FAM153A: variants seen among roughly 807,000 people sequenced by gnomAD.
The protein encoded by FAM153A is family with sequence similarity 153 member A.
Under a neutral mutation model 48.1 loss-of-function variants are expected in FAM153A, and 12 were observed. The ratio of observed to expected loss-of-function variants is 0.25; its 90% CI spans 0.16 to 0.40. The LOEUF (loss-of-function observed/expected upper bound fraction) is 0.40, where lower values mean the gene tolerates loss of function less well. Ranked by LOEUF, FAM153A falls within the 10% of genes least tolerant of loss-of-function variation. The pLI, the probability that FAM153A is intolerant of heterozygous loss-of-function variation, is 1.00. For missense variants in FAM153A, 111 were observed against 345.8 expected (o/e 0.32, Z 5.38); for synonymous variants, 36 against 118.2 (o/e 0.30, Z 4.51).
chr5:177,735,040 G>A, intron 12 of FAM153A, 107 bp from the exon 15 acceptor site: 1 of 682,290 alleles, frequency 1.5e-6, no homozygotes, highest in South Asian at 1.9e-5. Flanking sequence ...GCACAGGAGA[G>A]ATGCAGGAAG....
At position 177,741,241 on chromosome 5, in the gene FAM153A, C is replaced by CA. The variant is rs1765389820; in HGVS notation, c.441+14dup. 6.7e-6 allele frequency: 3 copies of CA among 450,498 alleles called. No individual in the cohort carries two copies. The highest frequency in any genetic ancestry group is 1.0e-5 in the Non-Finnish European group (3 of 293,116). The allele number at this position is 450,498 out of a possible 1,614,324, so 27.9% of individuals were successfully genotyped here. A position where few individuals can be genotyped will look rare whatever the true frequency, so the allele number is the denominator to read the frequency against. ...AAATAAAATTCCCACCTCAGATAAA[C>CA]AAAAAAGACTTTACCTTCACAGAGC... On this transcript the variant is annotated intron_variant, in intron 7 of 20. Coordinates refer to ENST00000614127, the Ensembl canonical transcript of FAM153A.
chr5:177,713,875 G>C (rs1318978946), exon 26 of FAM153A: 2 of 151,940 alleles, frequency 1.3e-5, no homozygotes, highest in Non-Finnish European at 2.9e-5. Context: ...AGGAGCTCTG[G>C]CAGGTTCCTT....
chr5:177,781,372 C>G (rs1769646752), upstream of FAM153A, among the ~76,000 whole-genome samples: 4 of 144,800 alleles, frequency 2.8e-5, no homozygotes, highest in Admixed American at 2.8e-4. Flanking sequence ...CCGCCCACCT[C>G]GGCCTCCCAA....
the FAM153A span, among the ~76,000 whole-genome samples, chr5:177,695,687 CTCTT>C: frequency 6.6e-6 from 1 of 151,564 alleles, no homozygotes; most frequent in Admixed American, 6.6e-5. Context: ...ACAATCTGAT[CTCTT>C]TCTTTTCCCC....
intron 1 of FAM153A, among the ~76,000 whole-genome samples, chr5:177,768,135 C>T (rs1768851590): frequency 2.4e-5 from 3 of 125,640 alleles, no homozygotes; most frequent in Admixed American, 8.5e-5. Flanking sequence ...TCAAAGTACT[C>T]AGGGAAACAC....
intron 10 of FAM153A, among the ~76,000 whole-genome samples, chr5:177,737,622 G>C (rs1439191915): frequency 6.6e-6 from 1 of 151,414 alleles, no homozygotes; most frequent in Non-Finnish European, 1.5e-5. Context: ...CCAGGTTCAA[G>C]TGATTCTCCA....
chr5:177,716,750 A>G (rs1759884892), intron 24 of FAM153A, among the ~76,000 whole-genome samples: 2 of 151,946 alleles, frequency 1.3e-5, no homozygotes, highest in African/African-American at 4.9e-5. Flanking sequence ...AAGCTTATCA[A>G]CTATCACATA....
At chr5:177,780,053 TTTA>T (rs1769532180) in intron 1 of FAM153A, among the ~76,000 whole-genome samples, 1 of 73,142 alleles carries the variant, frequency 1.4e-5, no homozygotes, top group African/African-American at 5.1e-5. Flanking sequence ...ATATAAACAA[TTTA>T]TTATAAAAAT....
chr5:177,781,264 ATTTT>A (rs1303137176), upstream of FAM153A, among the ~76,000 whole-genome samples: 1,007 of 74,380 alleles, frequency 0.014, no homozygotes, highest in East Asian at 0.048. Context: ...ACGCCCGGCT[ATTTT>A]TTTTTTTTTT....
upstream of FAM153A, among the ~76,000 whole-genome samples, chr5:177,754,182 A>G (rs1767425274): frequency 2.0e-5 from 3 of 152,122 alleles, no homozygotes; most frequent in South Asian, 6.2e-4. Context: ...GCACACCAGG[A>G]GATTATATCC....
At chr5:177,737,253 T>G in intron 10 of FAM153A, 141 bp from the exon 13 acceptor site, 1 of 1,583,140 alleles carries the variant, frequency 6.3e-7, no homozygotes, top group South Asian at 1.1e-5. Flanking sequence ...CCATCCTCCA[T>G]GGTGGAGGGA....
rs553930845 is a variant in FAM153A at position 177,758,744 on chromosome 5, A to G, written c.-56-10045T>C. Among the ~76,000 whole-genome samples, 84 of 149,560 alleles carry G rather than the reference A, an allele frequency of 5.6e-4. 3 individuals carry two copies. The highest frequency in any genetic ancestry group is 3.5e-3 in the Middle Eastern group (1 of 288). ...ATGGGGAAAGGATTCCCTATATAAT[A>G]AATGGTGCTGGGAAAACTGGCTAGC... is the stretch of plus-strand genomic sequence containing the variant. On this transcript the variant is annotated intron_variant, in intron 1 of 8. Transcript: ENST00000393518.
intron 13 of FAM153A, 94 bp downstream of exon 15, chr5:177,734,769 A>G: frequency 6.2e-7 from 1 of 1,609,466 alleles, no homozygotes; most frequent in Non-Finnish European, 8.5e-7. Context: ...TAACTAAGAT[A>G]TATATCTTCA....
chr5:177,700,744 G>A, the FAM153A span, among the ~76,000 whole-genome samples: 1,730 of 151,980 alleles, frequency 0.011, 60 homozygotes, highest in African/African-American at 0.039. Flanking sequence ...GGAGGTTACA[G>A]TGAGCCAAGA....
At chr5:177,717,137 C>T (rs1760030991) in intron 24 of FAM153A, 1 of 145,082 alleles carries the variant, frequency 6.9e-6, no homozygotes, top group Admixed American at 7.0e-5. Flanking sequence ...AATTTAAGAA[C>T]AAAGGAATTC....
At chr5:177,694,963 G>T in the FAM153A span, among the ~76,000 whole-genome samples, 6 of 151,566 alleles carry the variant, frequency 4.0e-5, no homozygotes, top group South Asian at 1.3e-3. Context: ...TCACTTGGTT[G>T]CCCAGGCTGG....
chr5:177,719,103 T>TA (rs1409284513), downstream of FAM153A, among the ~76,000 whole-genome samples: 1 of 151,106 alleles, frequency 6.6e-6, no homozygotes, highest in Admixed American at 6.6e-5. Context: ...AGGCTGGTCT[T>TA]AAACTCCTGG....
intron 1 of FAM153A, among the ~76,000 whole-genome samples, chr5:177,761,420 A>G (rs1481980256): frequency 2.0e-5 from 3 of 151,980 alleles, no homozygotes; most frequent in Non-Finnish European, 4.4e-5. Flanking sequence ...AGGGCTCCAG[A>G]GCCCTCCCCT....
At chr5:177,719,480 G>A (rs570954385), downstream of FAM153A, among the ~76,000 whole-genome samples, 1 of 151,170 alleles carries the variant, frequency 6.6e-6, no homozygotes, top group African/African-American at 2.5e-5. Context: ...GGAGGACACT[G>A]CAGAAGGCTT....
Sources: allele counts gnomAD v4.1 joint callset (sites outside exome capture counted in the v4.1 genomes callset), GRCh38; gene constraint gnomAD v4.1.1; transcripts MANE v1.5; gene names NCBI Gene and HGNC (gene_info 2026-07-23, HGNC 2026-07-21).